PTPRD: variants seen among roughly 807,000 people sequenced by gnomAD.
PTPRD encodes the protein receptor-type tyrosine-protein phosphatase delta.
Under a neutral mutation model 214.5 loss-of-function variants are expected in PTPRD, and 34 were observed. The ratio of observed to expected loss-of-function variants is 0.16; its 90% confidence interval spans 0.12 to 0.21. The LOEUF (loss-of-function observed/expected upper bound fraction) is 0.21, where lower values mean the gene tolerates loss of function less well. PTPRD is among the 10% of genes least tolerant of loss of function. The pLI, the probability that PTPRD is intolerant of heterozygous loss-of-function variation, is 1.00. For missense variants in PTPRD, 2,545 were observed against 2,398.7 expected, an observed-to-expected ratio of 1.06 and a Z score of -1.27; for synonymous variants, 1,128 against 845.7, an observed-to-expected ratio of 1.33 and a Z score of -5.79.
At chr9:8,569,123 G>C (rs2090335326) in intron 14 of PTPRD, among the ~76,000 whole-genome samples, 1 of 151,974 alleles carries the variant, frequency 6.6e-6, no homozygotes, top group Non-Finnish European at 1.5e-5. Context: ...TCAGCCTAGG[G>C]AGTTCATTTT....
Position 9,994,408 on chromosome 9 carries a change from T to C in PTPRD, c.-472+39310A>G, listed in dbSNP as rs181291410. Among the ~76,000 whole-genome samples the C allele has an allele frequency of 5.3e-5, 8 of 152,332 alleles. 1 individual carries two copies. In the East Asian group the frequency reaches 1.5e-3, roughly 29 times the overall value. ...TTACCTCTCTAGAATAATTTATGTT[T>C]ATCTCTTCTCCCATACTGTATATTA... On this transcript the variant is annotated intron_variant, in intron 4 of 45. Transcript: ENST00000381196.
chr9:8,934,464 A>C lies in PTPRD; in HGVS notation c.-104+84233T>G, dbSNP rs13295345. Among the ~76,000 whole-genome samples the C allele has an allele frequency of 2.7e-4, 3 of 11,090 alleles. 1 individual carries two copies. The highest frequency in any genetic ancestry group is 3.4e-4 in the Non-Finnish European group (2 of 5,934). 7.3% of individuals were successfully genotyped at this position (11,090 alleles called of 152,430 possible). A position where few individuals can be genotyped will look rare whatever the true frequency, so the allele number is the denominator to read the frequency against. On this transcript the variant is annotated intron_variant, in intron 11 of 45. Coordinates refer to ENST00000381196, the MANE Select transcript of PTPRD (RefSeq NM_002839.4). ...ATATATATAAATTTATATATATATA[A>C]ATATATATATATAAATATATATATA...
intron 2 of PTPRD, among the ~76,000 whole-genome samples, chr9:10,536,305 A>T (rs1238789725): frequency 6.6e-6 from 1 of 152,112 alleles, no homozygotes; most frequent in Non-Finnish European, 1.5e-5. Context: ...ATTCAGAGAA[A>T]TTCTCTTGTA....
Position 9,564,500 on chromosome 9 carries a change from C to T in PTPRD, c.-237+10232G>A, listed in dbSNP as rs74853651. On this transcript the variant is annotated intron_variant, in intron 8 of 45. Transcript: ENST00000381196. ...ATCAACTAAATTCGAATTTCTTAGG[C>T]TGAGGTTCGTGAATTCACACTTTTA... 3.8e-3 allele frequency among the ~76,000 whole-genome samples: 572 copies of T among 152,124 alleles called. 3 individuals carry two copies. Among genetic ancestry groups the T allele is most frequent in the African/African-American group, 0.013 (544 of 41,540 alleles).
intron 14 of PTPRD, among the ~76,000 whole-genome samples, chr9:8,536,637 C>T (rs1279790856): frequency 6.6e-6 from 1 of 151,912 alleles, no homozygotes; most frequent in Non-Finnish European, 1.5e-5. Context: ...TGTGCCTATA[C>T]CTTTAGCCCT....
chr9:9,836,302 AATATCATGTAGACAAT>A (rs2056744405), intron 5 of PTPRD, among the ~76,000 whole-genome samples: 1 of 152,168 alleles, frequency 6.6e-6, no homozygotes, highest in Non-Finnish European at 1.5e-5. Flanking sequence ...GGAAACTTTT[AATATCATGTAGACAAT>A]ATCAGGTAAA....
chr9:9,342,004 T>A (rs975386860), intron 9 of PTPRD, among the ~76,000 whole-genome samples: 9 of 152,058 alleles, frequency 5.9e-5, no homozygotes, highest in African/African-American at 2.2e-4. Context: ...AGACAGGATT[T>A]TGCCATATTG....
At chr9:10,405,801 T>C (rs541094388) in intron 2 of PTPRD, among the ~76,000 whole-genome samples, 6 of 151,470 alleles carry the variant, frequency 4.0e-5, no homozygotes, top group African/African-American at 1.4e-4. Flanking sequence ...ATTACATCAA[T>C]TCAAGGGAAG....
chr9:8,677,202 G>GT (rs1414461346), intron 12 of PTPRD, among the ~76,000 whole-genome samples: 1 of 152,206 alleles, frequency 6.6e-6, no homozygotes, highest in East Asian at 1.9e-4. Flanking sequence ...CATGGGAGCC[G>GT]TAAGGATGCA....
intron 2 of PTPRD, among the ~76,000 whole-genome samples, chr9:10,391,616 C>A (rs1476027108): frequency 2.0e-5 from 3 of 151,768 alleles, no homozygotes; most frequent in African/African-American, 7.2e-5. Flanking sequence ...AACCATTGCT[C>A]AAACCTTTCC....
intron 14 of PTPRD, among the ~76,000 whole-genome samples, chr9:8,534,629 A>G (rs1366781962): frequency 6.6e-6 from 1 of 151,260 alleles, no homozygotes; most frequent in Non-Finnish European, 1.5e-5. Context: ...TTCCTAGAGT[A>G]TATATATATA....
chr9:9,887,881 C>A (rs1184401605), intron 5 of PTPRD, among the ~76,000 whole-genome samples: 1 of 151,994 alleles, frequency 6.6e-6, no homozygotes, highest in Non-Finnish European at 1.5e-5. Flanking sequence ...ACAAATAAGA[C>A]AAATGTGTCC....
chr9:10,428,216 G>C (rs1427505713), intron 2 of PTPRD, among the ~76,000 whole-genome samples: 4 of 152,054 alleles, frequency 2.6e-5, no homozygotes, highest in African/African-American at 9.7e-5. Flanking sequence ...CTACTTGGGA[G>C]GCTGAGGCGG....
intron 12 of PTPRD, among the ~76,000 whole-genome samples, chr9:8,648,824 T>C (rs2096747898): frequency 6.6e-6 from 1 of 152,214 alleles, no homozygotes; most frequent in Non-Finnish European, 1.5e-5. Flanking sequence ...AAAAAGAACC[T>C]CTACCAATGC....
intron 4 of PTPRD, among the ~76,000 whole-genome samples, chr9:10,014,322 C>A (rs1394364309): frequency 6.6e-6 from 1 of 151,944 alleles, no homozygotes; most frequent in Non-Finnish European, 1.5e-5. Context: ...TTGCAAAGCC[C>A]ATATTCTTTC....
intron 10 of PTPRD, among the ~76,000 whole-genome samples, chr9:9,169,136 G>C (rs1363480109): frequency 6.6e-6 from 1 of 151,794 alleles, no homozygotes; most frequent in Non-Finnish European, 1.5e-5. Context: ...CTAATACACT[G>C]TTTGCTTAAT....
intron 3 of PTPRD, among the ~76,000 whole-genome samples, chr9:10,337,234 T>A (rs2096859410): frequency 6.6e-6 from 1 of 151,704 alleles, no homozygotes; most frequent in Non-Finnish European, 1.5e-5. Flanking sequence ...AAACAGAATT[T>A]TCCCCCTCAT....
intron 2 of PTPRD, among the ~76,000 whole-genome samples, chr9:10,361,828 A>G (rs1269903082): frequency 6.6e-6 from 1 of 152,322 alleles, no homozygotes; most frequent in East Asian, 1.9e-4. Context: ...CTCATATACC[A>G]ATAAACTATA....
At chr9:10,565,850 C>CCACA (rs756920492) in intron 2 of PTPRD, among the ~76,000 whole-genome samples, 4 of 150,986 alleles carry the variant, frequency 2.6e-5, no homozygotes, top group Non-Finnish European at 5.9e-5. Flanking sequence ...ATGCACACAC[C>CCACA]CACACACACA....
Sources: allele counts gnomAD v4.1 joint callset (sites outside exome capture counted in the v4.1 genomes callset), GRCh38; gene constraint gnomAD v4.1.1; transcripts MANE v1.5; gene names NCBI Gene and HGNC (gene_info 2026-07-23, HGNC 2026-07-21).